MYO19: variants seen among roughly 807,000 people sequenced by gnomAD.
MYO19 encodes the protein myosin XIX, also known as unconventional myosin-XIX.
MYO19 carries 132 observed loss-of-function variants against 129.2 expected under a neutral mutation model. The ratio of observed to expected loss-of-function variants is 1.02; its 90% confidence interval spans 0.89 to 1.18. The LOEUF (loss-of-function observed/expected upper bound fraction) is 1.18, where lower values mean the gene tolerates loss of function less well. MYO19 is among the 50% of genes most tolerant of loss of function. MYO19 has a pLI of 0.00. For synonymous variants in MYO19, 531 were observed against 477.2 expected, an observed-to-expected ratio of 1.11 and a Z score of -1.47; for missense variants, 1,210 against 1,216.7, an observed-to-expected ratio of 0.99 and a Z score of 0.08.
rs139501430 is a variant in MYO19, at chr17:36,521,409, G to A, written c.414+3819C>T. On this transcript the variant is annotated intron_variant, in intron 6 of 25. Coordinates refer to ENST00000614623, the MANE Select transcript of MYO19 (RefSeq NM_001163735.2). ...TATTCGAAGTTCCAAAGAATTGGAAGGTAAAGAAAAGAATATCTCTCAGAA... is the reference window on the plus strand; with the variant it reads ...TATTCGAAGTTCCAAAGAATTGGAAAGTAAAGAAAAGAATATCTCTCAGAA... Among the ~76,000 whole-genome samples the A allele has an allele frequency of 2.1e-3, 318 of 151,950 alleles. 1 individual carries two copies. The highest frequency in any genetic ancestry group is 7.1e-3 in the African/African-American group (294 of 41,416).
At chr17:36,538,784 T>G, upstream of MYO19, 1 of 637,390 alleles carries the variant, frequency 1.6e-6, no homozygotes, top group Non-Finnish European at 2.6e-6. Flanking sequence ...GACAGAGTCT[T>G]GCTCTGTTAC....
chr17:36,530,520 G>A (rs1248901198), intron 3 of MYO19, among the ~76,000 whole-genome samples: 2 of 136,606 alleles, frequency 1.5e-5, no homozygotes, highest in South Asian at 2.5e-4. Flanking sequence ...GCAGTGGCGC[G>A]ATCTCGACTC....
Position 36,506,600 on chromosome 17 carries a change from G to A in MYO19, c.1653C>T (p.Ile551=). The part of the protein sequence containing the change: ...AGLVEKNKDP[I]PPELTRLLQQ... ...GCAGGAGCCTGGTCAGCTCAGGTGGGATAGGGTCCTATTGGGAAATGGCAA... is the reference window on the plus strand; with the variant it reads ...GCAGGAGCCTGGTCAGCTCAGGTGGAATAGGGTCCTATTGGGAAATGGCAA... The change falls in exon 18 of 26, where the codon ATC becomes ATT. Residue 551 remains isoleucine, a synonymous_variant. Coordinates refer to ENST00000614623, the MANE Select transcript of MYO19 (RefSeq NM_001163735.2). The A allele has an allele frequency of 6.5e-7, 1 of 1,532,728 alleles. No homozygotes were observed. The highest frequency in any genetic ancestry group is 8.7e-7 in the Non-Finnish European group (1 of 1,145,392). 94.9% of individuals were successfully genotyped at this position (1,532,728 alleles called of 1,614,324 possible). A position where few individuals can be genotyped will look rare whatever the true frequency, so the allele number is the denominator to read the frequency against.
intron 7 of MYO19, among the ~76,000 whole-genome samples, chr17:36,515,652 C>T (rs867383393): frequency 1.3e-5 from 2 of 152,110 alleles, no homozygotes; most frequent in African/African-American, 2.4e-5. Context: ...TAGGCTGGAG[C>T]GAGGAAGAGG....
intron 18 of MYO19, among the ~76,000 whole-genome samples, chr17:36,506,133 A>AG (rs2071866983): frequency 6.6e-6 from 1 of 152,066 alleles, no homozygotes; most frequent in East Asian, 1.9e-4. Context: ...TTAGAACAGG[A>AG]AGCTAGACAG....
upstream of MYO19, among the ~76,000 whole-genome samples, chr17:36,536,226 T>C (rs1239269664): frequency 6.6e-6 from 1 of 152,198 alleles, no homozygotes; most frequent in Non-Finnish European, 1.5e-5. Context: ...CATAGCTGTC[T>C]GTAAATGAGG....
intron 5 of MYO19, among the ~76,000 whole-genome samples, chr17:36,526,499 T>C (rs1265093187): frequency 6.6e-6 from 1 of 152,216 alleles, no homozygotes; most frequent in Admixed American, 6.5e-5. Context: ...TATCCTTTTC[T>C]CAGTAAAAGA....
chr17:36,496,356 G>T lies in MYO19; in HGVS notation c.2808C>A (p.Ile936=), dbSNP rs1346084708. The T allele has an allele frequency of 6.8e-6, 11 of 1,613,884 alleles. No individual in the cohort carries two copies. Among genetic ancestry groups the T allele is most frequent in the Non-Finnish European group, 9.3e-6 (11 of 1,179,892 alleles). ...CRKSPLRYAD[I]CPEPSPYSIT... ...TGCTGTAGGGTGAAGGTTCAGGGCAGATGTCAGCATACCGCAGTGGAGACT... is the reference window on the plus strand; with the variant it reads ...TGCTGTAGGGTGAAGGTTCAGGGCATATGTCAGCATACCGCAGTGGAGACT... Residue 936 remains isoleucine, a synonymous_variant, in exon 26 of 26, where the codon ATC becomes ATA. Coordinates refer to ENST00000614623, the MANE Select transcript of MYO19 (RefSeq NM_001163735.2).
At position 36,506,449 on chromosome 17, in the gene MYO19, G is replaced by C; in HGVS notation, c.1797+7C>G. The C allele has an allele frequency of 1.2e-6, 2 of 1,613,856 alleles. No individual in the cohort carries two copies. The highest frequency in any genetic ancestry group is 1.7e-6 in the Non-Finnish European group (2 of 1,179,844). ...CCAAGCACCTCCCATCAGCACATCA[G>C]ACCCACCTTGAACTTGGACACCACG... is the stretch of plus-strand genomic sequence containing the variant. On this transcript the variant is annotated splice_region_variant and intron_variant, in intron 18 of 25. Transcript: ENST00000614623.
At chr17:36,505,475 GT>G in intron 18 of MYO19, 71 bp from the exon 19 acceptor site, 1 of 1,118,832 alleles carries the variant, frequency 8.9e-7, no homozygotes, top group Non-Finnish European at 1.3e-6. Flanking sequence ...GCTCTGGTTA[GT>G]AACTACATCA....
chr17:36,525,273 T>G lies in MYO19; in HGVS notation c.369A>C (p.Pro123=). ...CACTGACAACAATAGACTGGTTGACTGGTTCAATCAGGCTCTTGACATTCC... is the reference window on the plus strand; with the variant it reads ...CACTGACAACAATAGACTGGTTGACGGGTTCAATCAGGCTCTTGACATTCC... ...TYRNVKSLIE[P]VNQSIVVSGE... is the part of the protein sequence containing the mutation. The change falls in exon 6 of 26, where the codon CCA becomes CCC. Residue 123 remains proline, a synonymous_variant. Coordinates refer to ENST00000614623, the MANE Select transcript of MYO19 (RefSeq NM_001163735.2). 1 of 1,614,020 alleles carries G rather than the reference T, an allele frequency of 6.2e-7. No individual in the cohort carries two copies. The highest frequency in any genetic ancestry group is 1.3e-5 in the African/African-American group (1 of 75,062).
At chr17:36,519,619 G>C (rs2073016568) in intron 6 of MYO19, among the ~76,000 whole-genome samples, 1 of 146,244 alleles carries the variant, frequency 6.8e-6, no homozygotes. Flanking sequence ...GTGCCTTATA[G>C]TGATTATCTT....
At chr17:36,530,547 C>G (rs1010423459) in intron 3 of MYO19, among the ~76,000 whole-genome samples, 7 of 150,754 alleles carry the variant, frequency 4.6e-5, no homozygotes, top group Non-Finnish European at 1.0e-4. Flanking sequence ...AGCTCCGCCT[C>G]CCGGGTTCAC....
rs767736854 is a variant in MYO19 at position 36,511,376 on chromosome 17, T to A, written c.974A>T (p.Asp325Val). The change falls in exon 12 of 26, where the codon GAT becomes GTT. Residue 325 changes from aspartate to valine, a missense_variant. By Grantham distance (152) the Asp-to-Val change is radical (BLOSUM62 -3). Coordinates refer to ENST00000614623, the MANE Select transcript of MYO19 (RefSeq NM_001163735.2). Reference sequence around the variant, plus strand: ...ACCCTGACCCTCACACTTGGCATCATCCATCGGCTGGCAGGGCTGGGCTTC... The same window carrying A: ...ACCCTGACCCTCACACTTGGCATCAACCATCGGCTGGCAGGGCTGGGCTTC... ...EDEAQPCQPM[D>V]DAKYSVRTAA... The A allele has an allele frequency of 1.3e-6, 2 of 1,576,930 alleles. No homozygotes were observed. The highest frequency in any genetic ancestry group is 8.6e-7 in the Non-Finnish European group (1 of 1,161,250).
chr17:36,525,621 TCTGC>T (rs2073416843), intron 5 of MYO19, among the ~76,000 whole-genome samples: 1 of 152,242 alleles, frequency 6.6e-6, no homozygotes, highest in Non-Finnish European at 1.5e-5. Context: ...GTCTTATCCT[TCTGC>T]CTATTACTTC....
intron 17 of MYO19, 131 bp downstream of exon 17, chr17:36,506,832 G>C: frequency 8.0e-7 from 1 of 1,244,240 alleles, no homozygotes; most frequent in Non-Finnish European, 1.1e-6. Context: ...GTGGGCCCAA[G>C]ATGGTGATTC....
Position 36,503,341 on chromosome 17 carries a change from T to C in MYO19, c.1977-141A>G, listed in dbSNP as rs1178957687. 7 of 713,936 alleles carry C rather than the reference T, an allele frequency of 9.8e-6. No individual in the cohort carries two copies. In the Admixed American group the frequency reaches 1.7e-4, roughly 17 times the overall value. The allele number at this position is 713,936 out of a possible 1,614,324, so 44.2% of individuals were successfully genotyped here. On this transcript the variant is annotated intron_variant, in intron 20 of 25. Coordinates refer to ENST00000614623, the MANE Select transcript of MYO19 (RefSeq NM_001163735.2). Reference sequence around the variant, plus strand: ...GCCCTCCCCGAGTATCCCCACTGAATGTGAATGTGGTTTTGAAGCGATTTC... The same window carrying C: ...GCCCTCCCCGAGTATCCCCACTGAACGTGAATGTGGTTTTGAAGCGATTTC...
At chr17:36,513,138 T>G in intron 11 of MYO19, 1 of 1,388,926 alleles carries the variant, frequency 7.2e-7, no homozygotes, top group Non-Finnish European at 9.3e-7. Context: ...GCGGTAGCAC[T>G]AGTTCTCTCT....
intron 5 of MYO19, among the ~76,000 whole-genome samples, chr17:36,526,863 G>C (rs373893498): frequency 6.6e-6 from 1 of 152,096 alleles, no homozygotes; most frequent in African/African-American, 2.4e-5. Context: ...CTCCAGCCTG[G>C]GTGACAGGGA....
Sources: gnomAD v4.1 joint callset for allele counts (sites outside exome capture counted in the v4.1 genomes callset) on GRCh38, gnomAD v4.1.1 for gene constraint, MANE v1.5 for transcripts, NCBI Gene and HGNC (gene_info 2026-07-23, HGNC 2026-07-21) for gene names.